The following RAB27A variants were observed in gnomAD, a reference collection of about 807,000 sequenced individuals.
RAB27A encodes the protein RAB27A, member RAS oncogene family, also known as ras-related protein Rab-27A.
A neutral mutation model predicts 20.8 loss-of-function variants in RAB27A; 17 were observed. The observed-to-expected ratio is 0.82, with a 90% confidence interval of 0.56 to 1.23. The LOEUF (loss-of-function observed/expected upper bound fraction) is 1.23. Among genes scored for constraint, RAB27A ranks in the 50% most tolerant of loss-of-function variants. The pLI, the probability that RAB27A is intolerant of heterozygous loss-of-function variation, is 0.00. For missense variants in RAB27A, 277 were observed against 266.7 expected (o/e 1.04, Z -0.27); for synonymous variants, 85 against 92.8 (o/e 0.92, Z 0.48).
intron 2 of RAB27A, among the ~76,000 whole-genome samples, chr15:55,247,556 C>CA (rs1029011547): frequency 5.3e-5 from 8 of 152,156 alleles, no homozygotes; most frequent in Admixed American, 1.3e-4. Context: ...CCTATTGCAT[C>CA]TCAACTTCCT....
At chr15:55,310,895 A>G (rs185499755) in intron 2 of RAB27A, among the ~76,000 whole-genome samples, 8 of 152,318 alleles carry the variant, frequency 5.3e-5, no homozygotes, top group Middle Eastern at 3.4e-3. Context: ...GTCTCACCAG[A>G]AAGGCGGTAG....
chr15:55,303,970 A>G (rs976738639), intron 2 of RAB27A, among the ~76,000 whole-genome samples: 15 of 149,410 alleles, frequency 1.0e-4, no homozygotes, highest in Middle Eastern at 3.4e-3. Flanking sequence ...TGTGCCCAAC[A>G]GCTCATTGAG....
chr15:55,232,021 G>C (rs867944021), intron 3 of RAB27A, among the ~76,000 whole-genome samples: 3 of 152,250 alleles, frequency 2.0e-5, no homozygotes, highest in South Asian at 4.1e-4. Context: ...CAAATGCCCA[G>C]GAAAGATCTA....
At chr15:55,234,696 C>T in intron 3 of RAB27A, 86 bp downstream of exon 3, 7 of 1,404,216 alleles carry the variant, frequency 5.0e-6, no homozygotes, top group African/African-American at 1.4e-5. Flanking sequence ...AACCTTTGTC[C>T]TCCTAATTCC....
intron 6 of RAB27A, among the ~76,000 whole-genome samples, 153 bp from the exon 7 acceptor site, chr15:55,205,858 C>T (rs1013698345): frequency 2.6e-5 from 4 of 151,968 alleles, no homozygotes; most frequent in Non-Finnish European, 5.9e-5. Flanking sequence ...GTTAAAAAGA[C>T]AATAAAATAC....
chr15:55,286,455 A>G (rs1445252942), intron 1 of RAB27A, among the ~76,000 whole-genome samples: 2 of 152,136 alleles, frequency 1.3e-5, no homozygotes, highest in Non-Finnish European at 2.9e-5. Flanking sequence ...GCAGAAAATG[A>G]TGGGATAGGT....
chr15:55,236,224 T>C (rs1344070201), intron 2 of RAB27A, among the ~76,000 whole-genome samples: 1 of 152,198 alleles, frequency 6.6e-6, no homozygotes, highest in African/African-American at 2.4e-5. Context: ...TCTCTCTTTT[T>C]ACATGGACAT....
intron 1 of RAB27A, among the ~76,000 whole-genome samples, chr15:55,275,927 A>AC (rs1555399571): frequency 1.3e-5 from 2 of 149,110 alleles, no homozygotes; most frequent in Non-Finnish European, 1.5e-5. Flanking sequence ...TTAAAAAAAA[A>AC]AAAAAAAAAA....
At chr15:55,208,289 T>C (rs575847604) in intron 6 of RAB27A, among the ~76,000 whole-genome samples, 2 of 152,320 alleles carry the variant, frequency 1.3e-5, no homozygotes, top group Admixed American at 1.3e-4. Context: ...AACATCTATG[T>C]AGTAAAAGTA....
chr15:55,263,379 TA>T (rs35877174), intron 2 of RAB27A, among the ~76,000 whole-genome samples: 10 of 150,364 alleles, frequency 6.7e-5, no homozygotes, highest in East Asian at 1.9e-4. Flanking sequence ...GTCTTGGGCT[TA>T]AAAAAAAAAG....
At chr15:55,292,350 C>T (rs534119117), upstream of RAB27A, among the ~76,000 whole-genome samples, 102 of 152,320 alleles carry the variant, frequency 6.7e-4, no homozygotes, top group Non-Finnish European at 1.2e-3. Context: ...CAAGATCATG[C>T]AGCTAATAAG....
chr15:55,278,898 AAAATAAGGGC>A (rs1897945128), intron 1 of RAB27A, among the ~76,000 whole-genome samples: 1 of 152,190 alleles, frequency 6.6e-6, no homozygotes, highest in African/African-American at 2.4e-5. Context: ...CTATCCCTGA[AAAATAAGGGC>A]TTGTATCACC....
intron 6 of RAB27A, 151 bp from the exon 7 acceptor site, chr15:55,205,856 GAC>G: frequency 1.3e-6 from 1 of 766,584 alleles, no homozygotes; most frequent in Admixed American, 2.2e-5. Flanking sequence ...AAGTTAAAAA[GAC>G]AATAAAATAC....
chr15:55,289,288 A>T (rs1422717584), intron 1 of RAB27A: 2 of 152,640 alleles, frequency 1.3e-5, no homozygotes. Context: ...CCTCCCTCGC[A>T]GCTAGTCTGC....
intron 2 of RAB27A, among the ~76,000 whole-genome samples, chr15:55,312,370 G>T (rs1649924839): frequency 6.6e-6 from 1 of 152,152 alleles, no homozygotes. Context: ...ACCCAAAGAG[G>T]GTAGCCCTGA....
chr15:55,233,956 A>T (rs996569807), intron 3 of RAB27A, among the ~76,000 whole-genome samples: 2 of 152,196 alleles, frequency 1.3e-5, no homozygotes, highest in Admixed American at 6.6e-5. Context: ...CTTAATCTCT[A>T]TAAGCCTCTC....
chr15:55,223,770 C>A, intron 6 of RAB27A, 119 bp downstream of exon 6: 2 of 1,247,096 alleles, frequency 1.6e-6, no homozygotes, highest in Non-Finnish European at 2.3e-6. Flanking sequence ...TCAACATGCC[C>A]CAAGGCCTAT....
chr15:55,215,434 C>G (rs1392223486), intron 6 of RAB27A, among the ~76,000 whole-genome samples: 1 of 149,480 alleles, frequency 6.7e-6, no homozygotes, highest in Non-Finnish European at 1.5e-5. Context: ...GGGCGGATCA[C>G]GAGGTCAGGA....
intron 2 of RAB27A, among the ~76,000 whole-genome samples, chr15:55,306,217 CAA>C (rs1270713202): frequency 2.0e-5 from 3 of 152,270 alleles, no homozygotes; most frequent in Non-Finnish European, 4.4e-5. Flanking sequence ...AGATTGGAAA[CAA>C]GAGGTCCTAC....
Sources: gnomAD v4.1 joint callset for allele counts (sites outside exome capture counted in the v4.1 genomes callset) on GRCh38, gnomAD v4.1.1 for gene constraint, MANE v1.5 for transcripts, NCBI Gene and HGNC (gene_info 2026-07-23, HGNC 2026-07-21) for gene names.